The following CTBP1 variants were observed in gnomAD, a reference collection of about 807,000 sequenced individuals.
The protein encoded by CTBP1 is C-terminal-binding protein 1.
A neutral mutation model predicts 42.1 loss-of-function variants in CTBP1; 11 were observed. The ratio of observed to expected loss-of-function variants is 0.26; its 90% CI spans 0.16 to 0.43. CTBP1 has a LOEUF of 0.43. Among genes scored for constraint, CTBP1 ranks in the 20% least tolerant of loss-of-function variants. The pLI, the probability that CTBP1 is intolerant of heterozygous loss-of-function variation, is 1.00. For missense variants in CTBP1, 399 were observed against 624.3 expected (o/e 0.64, Z 3.85); for synonymous variants, 324 against 277.1 (o/e 1.17, Z -1.68).
intron 3 of CTBP1, chr4:1,236,429 C>T (rs1020065380): frequency 1.4e-5 from 8 of 564,650 alleles, no homozygotes; most frequent in African/African-American, 3.8e-5. Context: ...CAACTGGGGC[C>T]GGGGGAAGCA....
Position 1,249,022 on chromosome 4 carries a change from T to TG in CTBP1, c.-296dup. The TG allele has an allele frequency of 1.3e-6, 1 of 790,516 alleles. No individual in the cohort carries two copies. The highest frequency in any genetic ancestry group is 5.5e-5 in the South Asian group (1 of 18,046). The allele number at this position is 790,516 out of a possible 1,614,324, so 49.0% of individuals were successfully genotyped here. On this transcript the variant is annotated 5_prime_UTR_variant, in exon 1 of 10. Coordinates refer to ENST00000382952, the MANE Select transcript of CTBP1 (RefSeq NM_001012614.2). Reference sequence around the variant, plus strand: ...GCTGCGCCGCCGCGAGCCCGGCGCGTGGGGCGGCCTCGGCGCCGTCCGCTG... The same window carrying TG: ...GCTGCGCCGCCGCGAGCCCGGCGCGTGGGGGCGGCCTCGGCGCCGTCCGCTG...
At position 1,240,035 on chromosome 4, in the gene CTBP1, C is replaced by T. The variant is rs142222594; in HGVS notation, c.7+1290G>A. On this transcript the variant is annotated intron_variant, in intron 2 of 9. Coordinates refer to ENST00000382952, the MANE Select transcript of CTBP1 (RefSeq NM_001012614.2). The stretch of plus-strand genomic sequence containing the variant: ...GTTTCTGAGTGAGTGGATAGACATC[C>T]GCTCTCAGTATCCTTGGATTTCACT... Among the ~76,000 whole-genome samples the T allele has an allele frequency of 2.0e-4, 30 of 152,344 alleles. No individual in the cohort carries two copies. The East Asian group carries it at 4.1e-3, about 21-fold the overall frequency.
intron 3 of CTBP1, 108 bp from the exon 4 acceptor site, chr4:1,228,451 T>A: frequency 1.4e-6 from 2 of 1,391,444 alleles, no homozygotes; most frequent in Middle Eastern, 3.8e-4. Context: ...GCCCTCAGGC[T>A]TGTTCCCCAA....
In CTBP1 at chr4:1,238,426, C is replaced by G. The variant is rs560435025; in HGVS notation, c.8-89G>C. On this transcript the variant is annotated intron_variant, in intron 2 of 9. Coordinates refer to ENST00000382952, the MANE Select transcript of CTBP1 (RefSeq NM_001012614.2). The surrounding 1 kb of genome is among the most constrained non-coding windows in gnomAD (Gnocchi z 5.9). ...ACGCCACCCACTGTGCACGGGCCAACGAGGGCCGACCGCCGGGGGTTTTCT... is the reference window on the plus strand; with the variant it reads ...ACGCCACCCACTGTGCACGGGCCAAGGAGGGCCGACCGCCGGGGGTTTTCT... 1 of 1,441,736 alleles carries G rather than the reference C, an allele frequency of 6.9e-7. No homozygotes were observed. The highest frequency in any genetic ancestry group is 9.2e-7 in the Non-Finnish European group (1 of 1,086,080). The allele number at this position is 1,441,736 out of a possible 1,614,324, so 89.3% of individuals were successfully genotyped here. A position where few individuals can be genotyped will look rare whatever the true frequency, so the allele number is the denominator to read the frequency against.
rs367761264 is a variant in CTBP1, at chr4:1,214,297, T to G, written c.860+46A>C. The G allele has an allele frequency of 3.0e-4, 456 of 1,506,520 alleles. 1 individual carries two copies. Among genetic ancestry groups the G allele is most frequent in the Non-Finnish European group, 3.9e-4 (440 of 1,134,910 alleles). 93.3% of individuals were successfully genotyped at this position (1,506,520 alleles called of 1,614,324 possible). Reference sequence around the variant, plus strand: ...CGTCTGGAGGTCAAGGCCGGCAGGATGGTGGACAGGGAAGAGCAGGGGGGC... The same window carrying G: ...CGTCTGGAGGTCAAGGCCGGCAGGAGGGTGGACAGGGAAGAGCAGGGGGGC... On this transcript the variant is annotated intron_variant, in intron 7 of 9. Transcript: ENST00000382952.
rs561406030 is a variant in CTBP1 at position 1,232,456 on chromosome 4, C to T, written c.163-4113G>A. ...CCTCCTGAGTATCTTGGACTACAGG[C>T]GCGCACCACCACGCGTGGCTAATTT... is the stretch of plus-strand genomic sequence containing the variant. On this transcript the variant is annotated intron_variant, in intron 3 of 9. Coordinates refer to ENST00000382952, the MANE Select transcript of CTBP1 (RefSeq NM_001012614.2). 5.9e-5 allele frequency among the ~76,000 whole-genome samples: 9 copies of T among 152,140 alleles called. No individual in the cohort carries two copies. The East Asian group carries it at 1.4e-3, about 23-fold the overall frequency.
intron 1 of CTBP1, chr4:1,241,796 C>T (rs1246150723): frequency 2.0e-5 from 24 of 1,180,358 alleles, no homozygotes; most frequent in East Asian, 6.0e-5. Context: ...CCCAGGGCTG[C>T]GGCCACCCCC....
At position 1,212,415 on chromosome 4, in the gene CTBP1, G is replaced by A. The variant is rs1470479000; in HGVS notation, c.1115C>T (p.Pro372Leu). 5.5e-6 allele frequency: 8 copies of A among 1,461,450 alleles called. No homozygotes were observed. Among genetic ancestry groups the A allele is most frequent in the South Asian group, 1.4e-5 (1 of 70,868 alleles). The allele number at this position is 1,461,450 out of a possible 1,614,324, so 90.5% of individuals were successfully genotyped here. ...AGTGGGGGCCACGCCCACCACGCCC[G>A]GAGGGTACCTGCTGGGAGAGGGTCC... ...ELNGAAYRYP[P>L]GVVGVAPTGI... is the part of the protein sequence containing the mutation. The change falls in exon 10 of 10, where the codon CCG (proline) becomes CTG (leucine). Residue 372 changes from proline (P) to leucine (L), a missense_variant. Transcript: ENST00000382952.
At chr4:1,231,501 G>A (rs889033998) in intron 3 of CTBP1, among the ~76,000 whole-genome samples, 3 of 152,204 alleles carry the variant, frequency 2.0e-5, no homozygotes, top group East Asian at 3.8e-4. Context: ...GGCTGCCACC[G>A]GGCTGGAAAC....
Position 1,228,281 on chromosome 4 carries a change from C to G in CTBP1, c.225G>C (p.Leu75=). 6.2e-7 allele frequency: 1 copy of G among 1,614,182 alleles called. No individual in the cohort carries two copies. The highest frequency in any genetic ancestry group is 2.2e-5 in the East Asian group (1 of 44,878). ...YHTITLTRED[L]EKFKALRIIV... ...TGATGCGGAGGGCTTTGAACTTCTC[C>G]AGGTCCTCCCTGGTGAGAGTGATGG... Residue 75 remains leucine (L), a synonymous_variant, in exon 4 of 10, where the codon CTG becomes CTC. Transcript: ENST00000382952.
intron 3 of CTBP1, among the ~76,000 whole-genome samples, chr4:1,229,851 G>T (rs975110586): frequency 6.6e-6 from 1 of 152,316 alleles, no homozygotes; most frequent in Non-Finnish European, 1.5e-5. Context: ...CCACCGCAGG[G>T]GACCTAGAGG....
intron 5 of CTBP1, among the ~76,000 whole-genome samples, chr4:1,219,055 G>A (rs777615991): frequency 1.3e-4 from 20 of 152,160 alleles, no homozygotes; most frequent in Non-Finnish European, 2.5e-4. Flanking sequence ...ACAGAAGTCA[G>A]GCGCCGTGGC....
At chr4:1,219,066 T>C (rs554024546) in intron 5 of CTBP1, among the ~76,000 whole-genome samples, 16 of 152,276 alleles carry the variant, frequency 1.1e-4, no homozygotes, top group South Asian at 6.2e-4. Context: ...GCGCCGTGGC[T>C]CACACCCGTA....
chr4:1,236,579 C>G, intron 3 of CTBP1: 4 of 671,888 alleles, frequency 6.0e-6, no homozygotes, highest in Non-Finnish European at 1.1e-5. Flanking sequence ...GTGTCCACCT[C>G]CTGATGGGGC....
At chr4:1,245,371 G>T (rs1732610840) in intron 1 of CTBP1, 1 of 985,318 alleles carries the variant, frequency 1.0e-6, no homozygotes, top group African/African-American at 1.7e-5. Context: ...GGAACCCCCA[G>T]AACGCCACCT....
In CTBP1 at chr4:1,249,039, C is replaced by T; in HGVS notation, c.-312G>A. 2 of 616,848 alleles carry T rather than the reference C, an allele frequency of 3.2e-6. No homozygotes were observed. The highest frequency in any genetic ancestry group is 4.0e-6 in the Non-Finnish European group (2 of 496,268). The allele number at this position is 616,848 out of a possible 1,614,324, so 38.2% of individuals were successfully genotyped here. On this transcript the variant is annotated 5_prime_UTR_variant, in exon 1 of 10. Coordinates refer to ENST00000382952, the MANE Select transcript of CTBP1 (RefSeq NM_001012614.2). ...CCGGCGCGTGGGGCGGCCTCGGCGC[C>T]GTCCGCTGCTCCGCCCGCCCGCCTG...
intron 1 of CTBP1, chr4:1,242,869 G>A (rs1732319021): frequency 1.0e-6 from 1 of 985,254 alleles, no homozygotes; most frequent in East Asian, 1.1e-4. Context: ...CTGGCCAGGG[G>A]GCAAGGCACC....
At chr4:1,225,213 GC>G in intron 5 of CTBP1, 146 bp downstream of exon 5, 1 of 920,802 alleles carries the variant, frequency 1.1e-6, no homozygotes, top group Non-Finnish European at 1.6e-6. Context: ...GGGCCCTGGT[GC>G]CTGTGCGCAC....
At chr4:1,214,659 G>A (rs1466016283) in intron 6 of CTBP1, among the ~76,000 whole-genome samples, 186 bp from the exon 7 acceptor site, 2 of 152,260 alleles carry the variant, frequency 1.3e-5, no homozygotes, top group African/African-American at 2.4e-5. Context: ...GCCCTGACAG[G>A]CTGGCTGAGG....
Sources: gnomAD v4.1 joint callset for allele counts (sites outside exome capture counted in the v4.1 genomes callset) on GRCh38, gnomAD v4.1.1 for gene constraint, Gnocchi (gnomAD v3.1) non-coding constraint, MANE v1.5 for transcripts, NCBI Gene and HGNC (gene_info 2026-07-23, HGNC 2026-07-21) for gene names.